The following KCNQ1 variants were observed in gnomAD, a reference collection of about 807,000 sequenced individuals.
The protein encoded by KCNQ1 is potassium voltage-gated channel subfamily Q member 1.
Under a neutral mutation model 72.4 loss-of-function variants are expected in KCNQ1, and 49 were observed. That is an observed-to-expected ratio of 0.68 (90% CI 0.54 to 0.86). The LOEUF (loss-of-function observed/expected upper bound fraction) is 0.86, where lower values mean the gene tolerates loss of function less well. Among genes scored for constraint, KCNQ1 ranks in the 40% least tolerant of loss-of-function variants. KCNQ1 has a pLI of 0.00. For missense variants in KCNQ1, 790 were observed against 945.1 expected, an observed-to-expected ratio of 0.84 and a Z score of 2.15; for synonymous variants, 450 against 412.6, an observed-to-expected ratio of 1.09 and a Z score of -1.10.
intron 10 of KCNQ1, chr11:2,629,550 G>T (rs1022240356): frequency 1.0e-5 from 4 of 398,388 alleles, no homozygotes; most frequent in Admixed American, 8.8e-5. Context: ...CTCACGTGAG[G>T]ATATCCAGTT....
chr11:2,512,858 G>T (rs191859770), intron 1 of KCNQ1, among the ~76,000 whole-genome samples: 1 of 152,202 alleles, frequency 6.6e-6, no homozygotes, highest in Non-Finnish European at 1.5e-5. Flanking sequence ...TCCCCAGGGC[G>T]GTCTGTCCCC....
At chr11:2,731,610 C>A (rs1260339302) in intron 11 of KCNQ1, among the ~76,000 whole-genome samples, 1 of 152,250 alleles carries the variant, frequency 6.6e-6, no homozygotes, top group African/African-American at 2.4e-5. Context: ...CCGGAACAGA[C>A]CCATCTTTTG....
At chr11:2,532,884 C>A (rs962096031) in intron 2 of KCNQ1, among the ~76,000 whole-genome samples, 1 of 152,242 alleles carries the variant, frequency 6.6e-6, no homozygotes, top group Non-Finnish European at 1.5e-5. Context: ...CGGTTGGGGG[C>A]GCTTCGGGGA....
At chr11:2,788,634 G>C (rs1022732410) in intron 15 of KCNQ1, among the ~76,000 whole-genome samples, 2 of 151,914 alleles carry the variant, frequency 1.3e-5, no homozygotes, top group African/African-American at 2.4e-5. Context: ...AGGCAAAGGC[G>C]GGGGCTCTGA....
Position 2,624,435 on chromosome 11 carries a change from T to C in KCNQ1, c.1393+35581T>C. The C allele has an allele frequency of 7.5e-6, 3 of 398,506 alleles. No homozygotes were observed. Among genetic ancestry groups the C allele is most frequent in the Non-Finnish European group, 1.3e-5 (3 of 226,016 alleles). 24.7% of individuals were successfully genotyped at this position (398,506 alleles called of 1,614,324 possible). Reference sequence around the variant, plus strand: ...TTTATTTTTAACAAAGTCTAGCTTATCAATTATTTCTTTCATGAATCATGC... The same window carrying C: ...TTTATTTTTAACAAAGTCTAGCTTACCAATTATTTCTTTCATGAATCATGC... On this transcript the variant is annotated intron_variant, in intron 10 of 15. Transcript: ENST00000155840. This position sits in a 1 kb window ranked among gnomAD's most constrained non-coding sequence, Gnocchi z 4.9.
rs781620367 is a variant in KCNQ1 at position 2,621,410 on chromosome 11, G to T, written c.1393+32556G>T. The T allele has an allele frequency of 2.5e-6, 1 of 398,560 alleles. No individual in the cohort carries two copies. The highest frequency in any genetic ancestry group is 4.4e-6 in the Non-Finnish European group (1 of 226,040). The allele number at this position is 398,560 out of a possible 1,614,324, so 24.7% of individuals were successfully genotyped here. Reference sequence around the variant, plus strand: ...TTGGATTATTCGTTTTTTGCTTGTTGATTGGTTTAAGTTCCTTATGGATTC... The same window carrying T: ...TTGGATTATTCGTTTTTTGCTTGTTTATTGGTTTAAGTTCCTTATGGATTC... On this transcript the variant is annotated intron_variant, in intron 10 of 15. Transcript: ENST00000155840. The surrounding 1 kb of genome is among the most constrained non-coding windows in gnomAD (Gnocchi z 5.7).
chr11:2,656,489 G>A (rs571827063), intron 10 of KCNQ1: 8 of 398,542 alleles, frequency 2.0e-5, no homozygotes, highest in Non-Finnish European at 3.1e-5. Flanking sequence ...TCGCCCCCAC[G>A]GGCCATGAGC....
chr11:2,776,230 C>A (rs920824865), intron 13 of KCNQ1, among the ~76,000 whole-genome samples, 176 bp downstream of exon 13: 6 of 152,184 alleles, frequency 3.9e-5, no homozygotes, highest in African/African-American at 1.4e-4. Flanking sequence ...CTGGCCACGG[C>A]CACGGTTCAC....
rs1467902779 is a variant in KCNQ1 at position 2,507,550 on chromosome 11, G to A, written c.387-20378G>A. 2.6e-5 allele frequency among the ~76,000 whole-genome samples: 4 copies of A among 152,184 alleles called. No homozygotes were observed. Among genetic ancestry groups the A allele is most frequent in the Non-Finnish European group, 5.9e-5 (4 of 68,026 alleles). ...TGCTGGGACCCCTCGCACCTGGGAGGATGCACTTTCTGTTTCTGACATGGG... is the reference window on the plus strand; with the variant it reads ...TGCTGGGACCCCTCGCACCTGGGAGAATGCACTTTCTGTTTCTGACATGGG... On this transcript the variant is annotated intron_variant, in intron 1 of 15. Transcript: ENST00000155840. This position sits in a 1 kb window ranked among gnomAD's most constrained non-coding sequence, Gnocchi z 5.4.
rs1020329539 is a variant in KCNQ1, at chr11:2,515,637, GCCT to G, written c.387-12289_387-12287del. Among the ~76,000 whole-genome samples, 12 of 152,126 alleles carry G rather than the reference GCCT, an allele frequency of 7.9e-5. No individual in the cohort carries two copies. The highest frequency in any genetic ancestry group is 2.4e-4 in the African/African-American group (10 of 41,422). On this transcript the variant is annotated intron_variant, in intron 1 of 15. Transcript: ENST00000155840. This position sits in a 1 kb window ranked among gnomAD's most constrained non-coding sequence, Gnocchi z 4.7. Reference sequence around the variant, plus strand: ...CCCAGCCCCTCCTCACCCTAGGCAGGCCTCTCACAGAGACAAGACGAGTGTCCT... The same window carrying G: ...CCCAGCCCCTCCTCACCCTAGGCAGGCTCACAGAGACAAGACGAGTGTCCT...
intron 15 of KCNQ1, among the ~76,000 whole-genome samples, chr11:2,792,953 C>T (rs1288898453): frequency 1.3e-5 from 2 of 151,988 alleles, no homozygotes; most frequent in Non-Finnish European, 2.9e-5. Flanking sequence ...CTCTTCCCCG[C>T]CCCCCGGGAG....
chr11:2,573,306 C>T lies in KCNQ1; in HGVS notation c.921+320C>T, dbSNP rs532486433. Among the ~76,000 whole-genome samples, 40 of 152,282 alleles carry T rather than the reference C, an allele frequency of 2.6e-4. No individual in the cohort carries two copies. In the South Asian group the frequency reaches 3.7e-3, roughly 14 times the overall value. On this transcript the variant is annotated intron_variant, in intron 6 of 15. Coordinates refer to ENST00000155840, the MANE Select transcript of KCNQ1 (RefSeq NM_000218.3). ...TCGGCTCCCCCATGGCTCTGCCTCC[C>T]GCCATCGTCCTAGGTTGCCCATTCC...
At chr11:2,819,685 C>CTGGGATGGA (rs1847693186) in intron 15 of KCNQ1, among the ~76,000 whole-genome samples, 1 of 152,130 alleles carries the variant, frequency 6.6e-6, no homozygotes, top group Non-Finnish European at 1.5e-5. Context: ...GGCTAGTGCT[C>CTGGGATGGA]TGGGATGGAT....
chr11:2,583,353 G>C, intron 6 of KCNQ1, 82 bp from the exon 7 acceptor site: 2 of 937,164 alleles, frequency 2.1e-6, no homozygotes, highest in Admixed American at 3.4e-5. Flanking sequence ...CCGCTCATCA[G>C]AGTGGTGGGT....
rs916344526 is a variant in KCNQ1, at chr11:2,787,326, C to G, written c.1794+9289C>G. On this transcript the variant is annotated intron_variant, in intron 15 of 15. Transcript: ENST00000155840. The surrounding 1 kb of genome is among the most constrained non-coding windows in gnomAD (Gnocchi z 6.3). ...GAGGGTCCCAGCTTTGTGTAAGTCT[C>G]TGCTATGAGACTTCCTGGGGCAGGC... Among the ~76,000 whole-genome samples the G allele has an allele frequency of 6.6e-6, 1 of 152,174 alleles. No homozygotes were observed. Among genetic ancestry groups the G allele is most frequent in the South Asian group, 2.1e-4 (1 of 4,828 alleles).
At position 2,703,418 on chromosome 11, in the gene KCNQ1, G is replaced by A. The variant is rs967931043; in HGVS notation, c.1514+41337G>A. ...TGTACATGGTAGGGGCTGAGCTAGC[G>A]TTCCTTGCACTCCCTCCAGCTTTAC... On this transcript the variant is annotated intron_variant, in intron 11 of 15. Transcript: ENST00000155840. The surrounding 1 kb of genome is among the most constrained non-coding windows in gnomAD (Gnocchi z 6.4). Among the ~76,000 whole-genome samples the A allele has an allele frequency of 7.2e-5, 11 of 152,144 alleles. No individual in the cohort carries two copies. Among genetic ancestry groups the A allele is most frequent in the Admixed American group, 1.3e-4 (2 of 15,280 alleles).
chr11:2,459,367 G>A (rs994627483), intron 1 of KCNQ1, among the ~76,000 whole-genome samples: 1 of 152,172 alleles, frequency 6.6e-6, no homozygotes, highest in African/African-American at 2.4e-5. Flanking sequence ...GGCAGGGGTG[G>A]GGGGCAATCA....
chr11:2,626,180 C>T lies in KCNQ1; in HGVS notation c.1394-35781C>T. 2 of 398,526 alleles carry T rather than the reference C, an allele frequency of 5.0e-6. No homozygotes were observed. Among genetic ancestry groups the T allele is most frequent in the East Asian group, 3.6e-5 (1 of 28,064 alleles). The allele number at this position is 398,526 out of a possible 1,614,324, so 24.7% of individuals were successfully genotyped here. ...TTTTCCCCTATGTTTCCTTATAAGA[C>T]TTCATAGTTTTAGGACTTTGACCCA... On this transcript the variant is annotated intron_variant, in intron 10 of 15. Coordinates refer to ENST00000155840, the MANE Select transcript of KCNQ1 (RefSeq NM_000218.3). This position sits in a 1 kb window ranked among gnomAD's most constrained non-coding sequence, Gnocchi z 4.0.
At chr11:2,521,642 C>A (rs1589927026) in intron 1 of KCNQ1, 1 of 425,222 alleles carries the variant, frequency 2.4e-6, no homozygotes, top group South Asian at 1.7e-5. Flanking sequence ...CGTGTCTTTG[C>A]ACGTGAAGTA....
Sources: allele counts gnomAD v4.1 joint callset (sites outside exome capture counted in the v4.1 genomes callset), GRCh38; gene constraint gnomAD v4.1.1; non-coding constraint Gnocchi (gnomAD v3.1); transcripts MANE v1.5; gene names NCBI Gene and HGNC (gene_info 2026-07-23, HGNC 2026-07-21).